The following DPRX variants were observed in gnomAD, a reference collection of about 807,000 sequenced individuals.
DPRX encodes divergent-paired related homeobox, also known as divergent paired-related homeobox.
In DPRX, 11 loss-of-function variants were observed where a neutral mutation model predicts 8.4. The observed-to-expected ratio is 1.31, with a 90% confidence interval of 0.82 to 2.17. DPRX has a LOEUF of 2.17. Among genes scored for constraint, DPRX ranks in the 30% most tolerant of loss-of-function variants. DPRX has a pLI of 0.00. For missense variants in DPRX, 211 were observed against 236.7 expected, an observed-to-expected ratio of 0.89 and a Z score of 0.71; for synonymous variants, 72 against 87.0, an observed-to-expected ratio of 0.83 and a Z score of 0.96.
chr19:53,619,575 T>G, the DPRX span, among the ~76,000 whole-genome samples: 6 of 151,294 alleles, frequency 4.0e-5, no homozygotes, highest in Non-Finnish European at 8.8e-5. Flanking sequence ...CTTGGGAGGC[T>G]GAGGCAGGAG....
chr19:53,634,803 C>T, intron 2 of DPRX, 118 bp downstream of exon 2: 1 of 1,364,144 alleles, frequency 7.3e-7, no homozygotes, highest in Non-Finnish European at 9.8e-7. Flanking sequence ...CAAACCCACA[C>T]TCTCCTACTC....
the DPRX span, among the ~76,000 whole-genome samples, chr19:53,602,823 G>A: frequency 2.0e-5 from 3 of 151,514 alleles, no homozygotes; most frequent in East Asian, 5.9e-4. Context: ...TTACAGGCGT[G>A]AGCCACTGTG....
the DPRX span, among the ~76,000 whole-genome samples, chr19:53,626,377 C>T: frequency 1.3e-5 from 2 of 152,194 alleles, no homozygotes; most frequent in Admixed American, 1.3e-4. Flanking sequence ...CCACGCCCCA[C>T]CGTGAGACCC....
chr19:53,602,222 G>T, the DPRX span: 1 of 434,428 alleles, frequency 2.3e-6, no homozygotes, highest in Non-Finnish European at 4.6e-6. Flanking sequence ...AATAAGTGAA[G>T]ATCTCGGGCC....
At chr19:53,603,215 C>T in the DPRX span, 2 of 412,280 alleles carry the variant, frequency 4.9e-6, no homozygotes. Flanking sequence ...CTGTGCCCGG[C>T]CAAAAGTGCG....
the DPRX span, chr19:53,601,264 C>G: frequency 6.6e-6 from 3 of 456,218 alleles, no homozygotes; most frequent in African/African-American, 2.0e-5. Context: ...AAGCCACTCA[C>G]CAATCAACAT....
chr19:53,612,282 CT>C, the DPRX span, among the ~76,000 whole-genome samples: 1 of 152,152 alleles, frequency 6.6e-6, no homozygotes, highest in Non-Finnish European at 1.5e-5. Flanking sequence ...AGTTAGGAGG[CT>C]GAGACAGGAG....
At chr19:53,636,979 A>G in exon 3 of DPRX, 1 of 1,597,882 alleles carries the variant, frequency 6.3e-7, no homozygotes, top group East Asian at 2.2e-5. Flanking sequence ...ACCAAAGTCG[A>G]GAGAGATGAT....
chr19:53,617,330 G>A, the DPRX span: 5 of 568,050 alleles, frequency 8.8e-6, no homozygotes, highest in Admixed American at 2.6e-5. Context: ...AGGCCGAGGC[G>A]AGCGGATTAT....
At chr19:53,632,448 ACG>A (rs2091096622) in intron 1 of DPRX, among the ~76,000 whole-genome samples, 2 of 146,208 alleles carry the variant, frequency 1.4e-5, no homozygotes, top group African/African-American at 5.0e-5. Flanking sequence ...TGACAGGCAC[ACG>A]CCACCACACC....
At chr19:53,604,042 C>T in the DPRX span, among the ~76,000 whole-genome samples, 7 of 152,058 alleles carry the variant, frequency 4.6e-5, no homozygotes, top group Non-Finnish European at 5.9e-5. Context: ...CACCGCGCCC[C>T]GCCGTAATTG....
At chr19:53,608,757 C>T in the DPRX span, among the ~76,000 whole-genome samples, 2 of 151,544 alleles carry the variant, frequency 1.3e-5, no homozygotes. Context: ...TTGAGACCAT[C>T]CTGGCTAACA....
At chr19:53,610,672 A>C in the DPRX span, among the ~76,000 whole-genome samples, 6 of 152,234 alleles carry the variant, frequency 3.9e-5, no homozygotes, top group Non-Finnish European at 7.3e-5. Flanking sequence ...CCTGCAGCTC[A>C]GGATGGCTTT....
At chr19:53,628,445 C>T (rs140651472), upstream of DPRX, among the ~76,000 whole-genome samples, 313 of 152,284 alleles carry the variant, frequency 2.1e-3, 1 homozygote, top group African/African-American at 7.2e-3. Context: ...GATAAGTGAA[C>T]TTTGACACTT....
the DPRX span, among the ~76,000 whole-genome samples, chr19:53,607,238 C>T: frequency 2.0e-5 from 3 of 152,304 alleles, no homozygotes; most frequent in Admixed American, 6.5e-5. Context: ...CCAGGTTCTG[C>T]ACCCCAGGCC....
chr19:53,615,281 T>A, the DPRX span, among the ~76,000 whole-genome samples: 4 of 142,084 alleles, frequency 2.8e-5, no homozygotes, highest in Non-Finnish European at 6.3e-5. Context: ...CAGATCTGTC[T>A]AATTTTTTTT....
chr19:53,619,911 C>T, the DPRX span, among the ~76,000 whole-genome samples: 11 of 150,510 alleles, frequency 7.3e-5, no homozygotes, highest in African/African-American at 2.7e-4. Context: ...ACAATGAGGG[C>T]TTGATTCCTT....
chr19:53,634,575 A>G, exon 2 of DPRX: 2 of 1,613,976 alleles, frequency 1.2e-6, no homozygotes, highest in Non-Finnish European at 1.7e-6. Context: ...CATGTTCACT[A>G]AGAAGCAACT....
At chr19:53,620,267 C>T in the DPRX span, among the ~76,000 whole-genome samples, 6 of 151,990 alleles carry the variant, frequency 3.9e-5, no homozygotes, top group East Asian at 1.2e-3. Context: ...GACAGGGTTT[C>T]ACCATGTTAG....
Sources: allele counts gnomAD v4.1 joint callset (sites outside exome capture counted in the v4.1 genomes callset), GRCh38; gene constraint gnomAD v4.1.1; transcripts MANE v1.5; gene names NCBI Gene and HGNC (gene_info 2026-07-23, HGNC 2026-07-21).